RSPH14: variants seen among roughly 807,000 people sequenced by gnomAD.
The protein encoded by RSPH14 is rhabdoid tumor deletion region gene 1.
In RSPH14, 20 loss-of-function variants were observed where a neutral mutation model predicts 26.7. The ratio of observed to expected loss-of-function variants is 0.75; its 90% CI spans 0.53 to 1.09. The LOEUF (loss-of-function observed/expected upper bound fraction) is 1.09, where lower values mean the gene tolerates loss of function less well. Among genes scored for constraint, RSPH14 ranks in the 50% least tolerant of loss-of-function variants. The probability of loss-of-function intolerance (pLI) is 0.00; values close to 1 mark genes in which losing one functional copy is unlikely to be tolerated. For synonymous variants in RSPH14, 177 were observed against 189.3 expected (o/e 0.93, Z 0.53); for missense variants, 449 against 457.2 (o/e 0.98, Z 0.16).
intron 4 of RSPH14, among the ~76,000 whole-genome samples, chr22:23,103,887 T>A (rs1569177766): frequency 6.6e-6 from 1 of 152,192 alleles, no homozygotes; most frequent in East Asian, 1.9e-4. Context: ...CCCCAGTGCC[T>A]ACAAATGCTG....
chr22:23,065,986 C>T (rs1445897791), intron 4 of RSPH14, among the ~76,000 whole-genome samples: 2 of 152,190 alleles, frequency 1.3e-5, no homozygotes, highest in African/African-American at 2.4e-5. Flanking sequence ...CTCCTGCTCC[C>T]GCTCTGCTTC....
At chr22:23,172,076 GAC>G in the RSPH14 span, among the ~76,000 whole-genome samples, 1 of 152,172 alleles carries the variant, frequency 6.6e-6, no homozygotes, top group Non-Finnish European at 1.5e-5. Flanking sequence ...GTAAGAATAA[GAC>G]ATACAAATGG....
upstream of RSPH14, chr22:23,145,603 C>T (rs2070719210): frequency 6.5e-7 from 1 of 1,549,322 alleles, no homozygotes; most frequent in Non-Finnish European, 8.7e-7. Flanking sequence ...CAACCCCGTG[C>T]TGGCACATCC....
chr22:23,154,495 G>A, the RSPH14 span, among the ~76,000 whole-genome samples: 4 of 152,248 alleles, frequency 2.6e-5, no homozygotes, highest in Non-Finnish European at 5.9e-5. Flanking sequence ...GGGAGAGAAC[G>A]CAGGGCTGCA....
chr22:23,139,552 C>T (rs1377732093), intron 2 of RSPH14, among the ~76,000 whole-genome samples: 1 of 152,174 alleles, frequency 6.6e-6, no homozygotes, highest in Non-Finnish European at 1.5e-5. Context: ...ACCCAAGAGG[C>T]GGAGGTTTCA....
intron 4 of RSPH14, among the ~76,000 whole-genome samples, chr22:23,073,074 G>GGCAA (rs1220206895): frequency 6.6e-6 from 1 of 152,238 alleles, no homozygotes; most frequent in African/African-American, 2.4e-5. Context: ...CTCCCCTGGA[G>GGCAA]GCAAGGAAGG....
chr22:23,091,553 T>C (rs2068977845), intron 4 of RSPH14, among the ~76,000 whole-genome samples: 1 of 150,640 alleles, frequency 6.6e-6, no homozygotes, highest in Non-Finnish European at 1.5e-5. Context: ...CAGGGAGCTA[T>C]GCATACATGC....
At chr22:23,080,577 C>T (rs1157793557) in intron 4 of RSPH14, among the ~76,000 whole-genome samples, 4 of 152,180 alleles carry the variant, frequency 2.6e-5, no homozygotes, top group Admixed American at 1.3e-4. Context: ...AGACCCGTTG[C>T]GGATCTGCAG....
the RSPH14 span, chr22:23,158,057 C>T: frequency 6.2e-7 from 1 of 1,613,998 alleles, no homozygotes; most frequent in Non-Finnish European, 8.5e-7. Context: ...AGTCTGGGCT[C>T]TCTGGCCCCT....
chr22:23,087,116 T>C (rs2068841305), intron 4 of RSPH14, among the ~76,000 whole-genome samples: 1 of 152,136 alleles, frequency 6.6e-6, no homozygotes, highest in African/African-American at 2.4e-5. Context: ...AATAGTATCA[T>C]GGTGGGAGCT....
chr22:23,064,274 C>A, intron 4 of RSPH14, 141 bp from the exon 5 acceptor site: 1 of 730,074 alleles, frequency 1.4e-6, no homozygotes, highest in South Asian at 1.7e-5. Flanking sequence ...CACCCCCACA[C>A]ACACGTCCCG....
At chr22:23,152,648 C>A in the RSPH14 span, 1 of 928,604 alleles carries the variant, frequency 1.1e-6, no homozygotes, top group Non-Finnish European at 1.7e-6. Context: ...AACTGCTGTG[C>A]CTCAGCCTGC....
chr22:23,107,280 G>A (rs995645020), intron 4 of RSPH14, among the ~76,000 whole-genome samples: 2 of 152,176 alleles, frequency 1.3e-5, no homozygotes, highest in African/African-American at 4.8e-5. Context: ...TCCCAGAGGA[G>A]CCCCATCTGT....
At chr22:23,131,728 C>A in intron 4 of RSPH14, 1 of 891,382 alleles carries the variant, frequency 1.1e-6, no homozygotes. Context: ...CACTGGTCCC[C>A]CATGGATCAC....
chr22:23,157,933 A>G, the RSPH14 span: 1 of 1,609,410 alleles, frequency 6.2e-7, no homozygotes, highest in Non-Finnish European at 8.5e-7. Flanking sequence ...CCTCCTGGGG[A>G]GCCCCCTTGC....
At chr22:23,168,399 T>C in the RSPH14 span, among the ~76,000 whole-genome samples, 1 of 152,020 alleles carries the variant, frequency 6.6e-6, no homozygotes, top group East Asian at 1.9e-4. Flanking sequence ...TGTGGGGGGT[T>C]TCAGAGGAAG....
chr22:23,119,293 C>A (rs2146390980), intron 4 of RSPH14, among the ~76,000 whole-genome samples: 1 of 152,362 alleles, frequency 6.6e-6, no homozygotes, highest in Middle Eastern at 3.4e-3. Context: ...GGCCTGGCAA[C>A]ACCTTTCCCC....
Position 23,071,446 on chromosome 22 carries a change from C to A in RSPH14, c.422-7313G>T, listed in dbSNP as rs1462660155. ...GGAGGGACCCGCCTGGTAGAGAGGT[C>A]TGTCTTGCTTGGGGAGACAGCTGAG... is the stretch of plus-strand genomic sequence containing the variant. On this transcript the variant is annotated intron_variant, in intron 4 of 6. Coordinates refer to ENST00000216036, the MANE Select transcript of RSPH14 (RefSeq NM_014433.3). The surrounding 1 kb of genome is among the most constrained non-coding windows in gnomAD (Gnocchi z 4.1). 6.6e-6 allele frequency among the ~76,000 whole-genome samples: 1 copy of A among 152,226 alleles called. No individual in the cohort carries two copies. Among genetic ancestry groups the A allele is most frequent in the Non-Finnish European group, 1.5e-5 (1 of 68,036 alleles).
chr22:23,079,878 C>T (rs1184121634), intron 4 of RSPH14, among the ~76,000 whole-genome samples: 1 of 152,210 alleles, frequency 6.6e-6, no homozygotes, highest in Non-Finnish European at 1.5e-5. Flanking sequence ...GGACACCACT[C>T]ATGCCCCTAG....
Sources: gnomAD v4.1 joint callset for allele counts (sites outside exome capture counted in the v4.1 genomes callset) on GRCh38, gnomAD v4.1.1 for gene constraint, Gnocchi (gnomAD v3.1) non-coding constraint, MANE v1.5 for transcripts, NCBI Gene and HGNC (gene_info 2026-07-23, HGNC 2026-07-21) for gene names.